The following RAB38 variants were observed in gnomAD, a reference collection of about 807,000 sequenced individuals.
RAB38 encodes RAB38, member RAS oncogene family.
A neutral mutation model predicts 18.4 loss-of-function variants in RAB38; 15 were observed. The observed-to-expected ratio is 0.82, with a 90% CI of 0.55 to 1.26. The LOEUF is 1.26. RAB38 is among the 50% of genes most tolerant of loss of function. The pLI is 0.00. For synonymous variants in RAB38, 101 were observed against 104.4 expected (o/e 0.97, Z 0.20); for missense variants, 294 against 267.4 (o/e 1.10, Z -0.69).
At chr11:87,904,582 A>T in the RAB38 span, among the ~76,000 whole-genome samples, 1 of 151,382 alleles carries the variant, frequency 6.6e-6, no homozygotes, top group Admixed American at 6.6e-5. Flanking sequence ...TGGTAAAATG[A>T]TTTTTTTTAA....
At chr11:88,052,529 C>T in the RAB38 span, among the ~76,000 whole-genome samples, 3 of 152,046 alleles carry the variant, frequency 2.0e-5, no homozygotes, top group African/African-American at 4.8e-5. Context: ...CAAAAGCTTA[C>T]TTAGGTCTTG....
At chr11:87,912,533 A>G in the RAB38 span, among the ~76,000 whole-genome samples, 3 of 151,814 alleles carry the variant, frequency 2.0e-5, no homozygotes, top group Non-Finnish European at 1.5e-5. Flanking sequence ...TAGAATCTGT[A>G]GTTGTCACTT....
At chr11:87,830,237 TA>T in the RAB38 span, among the ~76,000 whole-genome samples, 8 of 152,016 alleles carry the variant, frequency 5.3e-5, 1 homozygote, top group Non-Finnish European at 1.5e-5. Context: ...TCCCAGAACT[TA>T]GGAGGCTGAG....
At chr11:87,925,536 G>C in the RAB38 span, among the ~76,000 whole-genome samples, 5 of 152,030 alleles carry the variant, frequency 3.3e-5, no homozygotes, top group African/African-American at 9.7e-5. Context: ...TTTGCACATA[G>C]AGTAAGTATA....
At chr11:87,942,697 G>T in the RAB38 span, among the ~76,000 whole-genome samples, 1 of 152,122 alleles carries the variant, frequency 6.6e-6, no homozygotes, top group Non-Finnish European at 1.5e-5. Context: ...GGAGTGAGTG[G>T]ATTTCAGACC....
the RAB38 span, among the ~76,000 whole-genome samples, chr11:87,863,813 C>T: frequency 8.6e-5 from 13 of 151,680 alleles, no homozygotes; most frequent in Non-Finnish European, 1.5e-4. Context: ...TGACTTCACT[C>T]GCCTAAAATC....
chr11:87,972,519 C>T, the RAB38 span, among the ~76,000 whole-genome samples: 2 of 88,638 alleles, frequency 2.3e-5, no homozygotes, highest in Admixed American at 1.3e-4. Context: ...GATAGCAGTT[C>T]TTGTTTTTTT....
At chr11:88,160,964 T>G (rs1279215535) in intron 1 of RAB38, among the ~76,000 whole-genome samples, 1 of 151,780 alleles carries the variant, frequency 6.6e-6, no homozygotes, top group African/African-American at 2.4e-5. Context: ...AACCTGCATA[T>G]GTATCCCCCT....
At chr11:88,165,319 C>T (rs1427870786) in intron 1 of RAB38, among the ~76,000 whole-genome samples, 2 of 152,054 alleles carry the variant, frequency 1.3e-5, no homozygotes, top group Non-Finnish European at 2.9e-5. Context: ...GCTTTCTGTG[C>T]TTGTTAGCTT....
At chr11:87,838,352 G>C in the RAB38 span, among the ~76,000 whole-genome samples, 1 of 152,170 alleles carries the variant, frequency 6.6e-6, no homozygotes, top group Non-Finnish European at 1.5e-5. Context: ...CTGACCTCAT[G>C]ATCCGCCCAC....
the RAB38 span, among the ~76,000 whole-genome samples, chr11:88,045,882 G>A: frequency 5.3e-5 from 8 of 152,112 alleles, no homozygotes; most frequent in African/African-American, 1.4e-4. Context: ...TCTGGTGTCA[G>A]CTTAGACAAT....
At chr11:88,031,751 C>T in the RAB38 span, among the ~76,000 whole-genome samples, 3 of 152,004 alleles carry the variant, frequency 2.0e-5, no homozygotes, top group Non-Finnish European at 4.4e-5. Context: ...AATGGAAGAA[C>T]ATTCCATGCT....
At chr11:88,105,454 A>G in the RAB38 span, among the ~76,000 whole-genome samples, 1 of 152,194 alleles carries the variant, frequency 6.6e-6, no homozygotes, top group Non-Finnish European at 1.5e-5. Context: ...TGAACAAATG[A>G]ACAACAACAA....
At chr11:87,869,106 TAAAAC>T in the RAB38 span, among the ~76,000 whole-genome samples, 5 of 151,684 alleles carry the variant, frequency 3.3e-5, 1 homozygote, top group Admixed American at 3.3e-4. Context: ...AGCAAAACCA[TAAAAC>T]AAACCATTTT....
the RAB38 span, among the ~76,000 whole-genome samples, chr11:87,885,738 G>A: frequency 6.6e-6 from 1 of 152,082 alleles, no homozygotes; most frequent in African/African-American, 2.4e-5. Flanking sequence ...TTAAAGCAGT[G>A]TTACCTAAAA....
At chr11:87,859,814 G>A in the RAB38 span, among the ~76,000 whole-genome samples, 1 of 152,004 alleles carries the variant, frequency 6.6e-6, no homozygotes, top group Admixed American at 6.6e-5. Flanking sequence ...TCCATTCCCA[G>A]ACAGGTTCAT....
the RAB38 span, among the ~76,000 whole-genome samples, chr11:87,955,381 A>C: frequency 6.2e-3 from 948 of 152,332 alleles, 9 homozygotes; most frequent in African/African-American, 0.022. Context: ...GGGAGGGGTA[A>C]GCATTGAAAA....
At chr11:88,037,725 A>T in the RAB38 span, among the ~76,000 whole-genome samples, 2 of 152,162 alleles carry the variant, frequency 1.3e-5, no homozygotes, top group East Asian at 3.8e-4. Flanking sequence ...ACTTAATATA[A>T]TGCTTTTGAC....
the RAB38 span, among the ~76,000 whole-genome samples, chr11:87,965,386 A>C: frequency 6.6e-6 from 1 of 152,156 alleles, no homozygotes; most frequent in East Asian, 1.9e-4. Context: ...CTTTCATAAA[A>C]AGGGAACACT....
Sources: gnomAD v4.1 joint callset for allele counts (sites outside exome capture counted in the v4.1 genomes callset) on GRCh38, gnomAD v4.1.1 for gene constraint, MANE v1.5 for transcripts, NCBI Gene and HGNC (gene_info 2026-07-23, HGNC 2026-07-21) for gene names.